The following PDE8A variants were observed in gnomAD, a reference collection of about 807,000 sequenced individuals.
The protein encoded by PDE8A is phosphodiesterase 8A.
Under a neutral mutation model 105.0 loss-of-function variants are expected in PDE8A, and 59 were observed. The ratio of observed to expected loss-of-function variants is 0.56; its 90% CI spans 0.46 to 0.70. PDE8A has a LOEUF of 0.70. PDE8A is among the 30% of genes least tolerant of loss of function. The probability of loss-of-function intolerance (pLI) is 0.00; values close to 1 mark genes in which losing one functional copy is unlikely to be tolerated. For missense variants in PDE8A, 1,014 were observed against 1,045.9 expected (o/e 0.97, Z 0.42); for synonymous variants, 355 against 371.9 (o/e 0.95, Z 0.52).
chr15:85,098,758 G>A (rs2081803422), intron 9 of PDE8A, among the ~76,000 whole-genome samples: 1 of 152,084 alleles, frequency 6.6e-6, no homozygotes, highest in African/African-American at 2.4e-5. Flanking sequence ...CCAGGAGTTT[G>A]GGATCCGCCT....
chr15:85,113,339 T>G (rs2082046745), intron 12 of PDE8A, 38 bp from the exon 13 acceptor site: 1 of 1,568,548 alleles, frequency 6.4e-7, no homozygotes, highest in Non-Finnish European at 8.8e-7. Flanking sequence ...GTGCCCAGAG[T>G]TGTGCATGCC....
intron 1 of PDE8A, among the ~76,000 whole-genome samples, chr15:85,042,009 A>T (rs1371092238): frequency 1.3e-5 from 2 of 152,162 alleles, no homozygotes; most frequent in African/African-American, 4.8e-5. Context: ...TTCTGAGATG[A>T]TTATTTGAAA....
intron 11 of PDE8A, among the ~76,000 whole-genome samples, chr15:85,107,794 TG>T (rs1227351305): frequency 6.6e-6 from 1 of 152,076 alleles, no homozygotes; most frequent in Non-Finnish European, 1.5e-5. Flanking sequence ...GAGAGAGGCC[TG>T]GGGTAAGATG....
At chr15:85,100,313 C>A in intron 11 of PDE8A, 115 bp downstream of exon 11, 3 of 874,962 alleles carry the variant, frequency 3.4e-6, no homozygotes, top group Non-Finnish European at 5.4e-6. Flanking sequence ...CAGACTGTGG[C>A]AACATTTCTC....
chr15:85,075,858 TA>T lies in PDE8A; in HGVS notation c.435-2del. ...TTATTTTAAAGTTTTGTGTTTTTTT[TA>T]AGGTCTATCAGATCATCAAAACTCT... On this transcript the variant is annotated splice_polypyrimidine_tract_variant and splice_region_variant and intron_variant, in intron 3 of 21. Transcript: ENST00000394553. 2 of 1,480,530 alleles carry T rather than the reference TA, an allele frequency of 1.4e-6. No individual in the cohort carries two copies. Among genetic ancestry groups the T allele is most frequent in the Non-Finnish European group, 1.9e-6 (2 of 1,076,314 alleles). 91.7% of individuals were successfully genotyped at this position (1,480,530 alleles called of 1,614,324 possible).
chr15:85,060,578 C>T (rs1474677839), intron 1 of PDE8A, among the ~76,000 whole-genome samples: 1 of 152,188 alleles, frequency 6.6e-6, no homozygotes, highest in African/African-American at 2.4e-5. Context: ...ACTTGAGCAT[C>T]CATAGATTTT....
intron 1 of PDE8A, among the ~76,000 whole-genome samples, chr15:84,999,903 AGACC>A (rs2080040856): frequency 6.6e-6 from 1 of 152,206 alleles, no homozygotes; most frequent in African/African-American, 2.4e-5. Context: ...TAAGCTCACA[AGACC>A]ACAGGCTTGC....
chr15:85,069,157 C>T (rs2081275911), intron 3 of PDE8A, among the ~76,000 whole-genome samples: 1 of 152,142 alleles, frequency 6.6e-6, no homozygotes, highest in South Asian at 2.1e-4. Context: ...ATACCAAATT[C>T]CATAAGCACT....
At chr15:85,014,121 T>TG (rs1355496516) in intron 1 of PDE8A, among the ~76,000 whole-genome samples, 1 of 150,056 alleles carries the variant, frequency 6.7e-6, no homozygotes, top group Non-Finnish European at 1.5e-5. Flanking sequence ...TCTTTCTTTC[T>TG]TCCTTTCTTT....
chr15:85,010,543 T>G (rs2080222488), intron 1 of PDE8A, among the ~76,000 whole-genome samples: 1 of 152,206 alleles, frequency 6.6e-6, no homozygotes, highest in Non-Finnish European at 1.5e-5. Flanking sequence ...GGAGTTCACA[T>G]GTCTGTATGT....
chr15:85,075,800 A>T, intron 3 of PDE8A, 62 bp from the exon 4 acceptor site: 1 of 863,784 alleles, frequency 1.2e-6, no homozygotes, highest in Non-Finnish European at 1.8e-6. Context: ...TAATTGTTTA[A>T]GTATATTTGG....
chr15:84,993,127 A>G (rs1049292018), intron 1 of PDE8A, among the ~76,000 whole-genome samples: 1 of 152,252 alleles, frequency 6.6e-6, no homozygotes, highest in South Asian at 2.1e-4. Context: ...TATTCATTGT[A>G]GAAAACTTGA....
chr15:85,115,596 A>C, intron 15 of PDE8A, 109 bp downstream of exon 15: 1 of 603,354 alleles, frequency 1.7e-6, no homozygotes, highest in Non-Finnish European at 2.8e-6. Context: ...GGTATGTCAT[A>C]AAGCCTCAGA....
chr15:85,027,568 T>G (rs1415979465), intron 1 of PDE8A, among the ~76,000 whole-genome samples: 2 of 152,212 alleles, frequency 1.3e-5, no homozygotes, highest in Non-Finnish European at 2.9e-5. Context: ...TCCTACCCTT[T>G]CAAGGAAATG....
At chr15:85,026,549 G>T (rs112490071) in intron 1 of PDE8A, among the ~76,000 whole-genome samples, 1 of 152,270 alleles carries the variant, frequency 6.6e-6, no homozygotes, top group African/African-American at 2.4e-5. Context: ...CGGATTTGTG[G>T]ATGCTATCTC....
At chr15:85,133,702 G>A (rs1376647187) in intron 20 of PDE8A, among the ~76,000 whole-genome samples, 1 of 152,144 alleles carries the variant, frequency 6.6e-6, no homozygotes, top group Non-Finnish European at 1.5e-5. Context: ...CTCAGGCTTT[G>A]ATTTTAAAGT....
intron 1 of PDE8A, among the ~76,000 whole-genome samples, chr15:85,025,998 C>G (rs1442740160): frequency 6.6e-6 from 1 of 152,206 alleles, no homozygotes; most frequent in Non-Finnish European, 1.5e-5. Context: ...TGAATATGCA[C>G]AGATTCAATA....
At chr15:84,991,769 T>C (rs2079889038) in intron 1 of PDE8A, among the ~76,000 whole-genome samples, 3 of 152,236 alleles carry the variant, frequency 2.0e-5, no homozygotes, top group Admixed American at 2.0e-4. Flanking sequence ...AAATGGATTA[T>C]AGTTTTAGAT....
chr15:85,058,128 T>C (rs2081090976), intron 1 of PDE8A, among the ~76,000 whole-genome samples: 1 of 152,190 alleles, frequency 6.6e-6, no homozygotes, highest in South Asian at 2.1e-4. Flanking sequence ...TTGCCCAAGT[T>C]GGAATGTAGT....
Sources: gnomAD v4.1 joint callset for allele counts (sites outside exome capture counted in the v4.1 genomes callset) on GRCh38, gnomAD v4.1.1 for gene constraint, MANE v1.5 for transcripts, NCBI Gene and HGNC (gene_info 2026-07-23, HGNC 2026-07-21) for gene names.